TSHZ3: variants seen among roughly 807,000 people sequenced by gnomAD.
The protein encoded by TSHZ3 is teashirt zinc finger homeobox 3.
In TSHZ3, 10 loss-of-function variants were observed where a neutral mutation model predicts 64.5. The ratio of observed to expected loss-of-function variants is 0.16; its 90% CI spans 0.10 to 0.26. The LOEUF is 0.26. Among genes scored for constraint, TSHZ3 ranks in the 10% least tolerant of loss-of-function variants. The pLI, the probability that TSHZ3 is intolerant of heterozygous loss-of-function variation, is 1.00. For missense variants in TSHZ3, 1,242 were observed against 1,421.7 expected, an observed-to-expected ratio of 0.87 and a Z score of 2.03; for synonymous variants, 608 against 593.1, an observed-to-expected ratio of 1.03 and a Z score of -0.36.
intron 4 of TSHZ3, among the ~76,000 whole-genome samples, chr19:31,213,403 CA>C (rs1018533697): frequency 8.2e-6 from 1 of 122,580 alleles, no homozygotes; most frequent in African/African-American, 3.2e-5. Flanking sequence ...CAGTGGTGTC[CA>C]GGGGTAAGGA....
chr19:31,183,567 G>A (rs1349094817), intron 5 of TSHZ3, among the ~76,000 whole-genome samples: 3 of 152,134 alleles, frequency 2.0e-5, no homozygotes, highest in East Asian at 1.9e-4. Flanking sequence ...AAAATTGGAA[G>A]GCCACAGAAA....
intron 5 of TSHZ3, among the ~76,000 whole-genome samples, chr19:31,163,970 G>A (rs1974406456): frequency 6.6e-6 from 1 of 152,194 alleles, no homozygotes; most frequent in South Asian, 2.1e-4. Flanking sequence ...TCATCCCCAT[G>A]TTACACTGAG....
chr19:31,265,998 G>A (rs1381385279), intron 1 of TSHZ3, among the ~76,000 whole-genome samples: 3 of 152,192 alleles, frequency 2.0e-5, no homozygotes, highest in Non-Finnish European at 4.4e-5. Context: ...CCTGCTGACA[G>A]CATCTTGACA....
At chr19:31,285,468 AT>A (rs1450145884) in intron 1 of TSHZ3, among the ~76,000 whole-genome samples, 1 of 122,430 alleles carries the variant, frequency 8.2e-6, no homozygotes, top group African/African-American at 3.7e-5. Flanking sequence ...TGACAGAGTG[AT>A]TCTGTCTCAA....
chr19:31,264,087 T>C (rs533797790), intron 1 of TSHZ3, among the ~76,000 whole-genome samples: 2 of 152,278 alleles, frequency 1.3e-5, no homozygotes, highest in East Asian at 3.9e-4. Flanking sequence ...GGAGCATGAA[T>C]GGTTTAAATG....
At chr19:31,239,266 A>G (rs1411119178) in intron 3 of TSHZ3, among the ~76,000 whole-genome samples, 1 of 152,086 alleles carries the variant, frequency 6.6e-6, no homozygotes, top group Non-Finnish European at 1.5e-5. Context: ...CAGTGTTATT[A>G]TTTATGTGAT....
At chr19:31,199,751 G>A (rs753052236) in intron 5 of TSHZ3, among the ~76,000 whole-genome samples, 2 of 33,414 alleles carry the variant, frequency 6.0e-5, no homozygotes, top group Admixed American at 3.2e-4. Flanking sequence ...TCTGTTTTGC[G>A]AAAGACAGTG....
intron 1 of TSHZ3, among the ~76,000 whole-genome samples, chr19:31,265,173 G>T (rs1193438518): frequency 6.6e-6 from 1 of 151,956 alleles, no homozygotes; most frequent in East Asian, 1.9e-4. Context: ...GAGGGAGGTG[G>T]ATTACCTGAG....
chr19:31,217,200 G>A (rs1265573494), intron 4 of TSHZ3, among the ~76,000 whole-genome samples: 2 of 152,172 alleles, frequency 1.3e-5, no homozygotes, highest in African/African-American at 4.8e-5. Context: ...GACAGCTAGT[G>A]GCAGAATGTT....
chr19:31,266,182 G>A (rs1274557561), intron 1 of TSHZ3, among the ~76,000 whole-genome samples: 1 of 152,114 alleles, frequency 6.6e-6, no homozygotes, highest in African/African-American at 2.4e-5. Context: ...CTTAAGTGGT[G>A]CTTGCATCCA....
At chr19:31,306,949 A>C (rs546951410) in intron 1 of TSHZ3, among the ~76,000 whole-genome samples, 64 of 152,254 alleles carry the variant, frequency 4.2e-4, no homozygotes, top group South Asian at 1.5e-3. Context: ...GAAGATTTAG[A>C]GTTCTCTCCT....
chr19:31,306,236 C>T (rs530356466), intron 1 of TSHZ3, among the ~76,000 whole-genome samples: 7 of 152,246 alleles, frequency 4.6e-5, no homozygotes, highest in African/African-American at 1.4e-4. Context: ...ACAGGTGACG[C>T]GGCGGGCTGG....
intron 5 of TSHZ3, among the ~76,000 whole-genome samples, chr19:31,178,076 G>A (rs1011563528): frequency 6.6e-6 from 1 of 152,142 alleles, no homozygotes; most frequent in African/African-American, 2.4e-5. Flanking sequence ...CTCACAGCAG[G>A]GACAGCCTGA....
chr19:31,257,970 G>A (rs1231240261), intron 1 of TSHZ3, among the ~76,000 whole-genome samples: 2 of 152,194 alleles, frequency 1.3e-5, no homozygotes, highest in Non-Finnish European at 2.9e-5. Flanking sequence ...ACTGATTTGG[G>A]AAGTGCAAGG....
At chr19:31,336,191 G>C (rs766315542) in intron 1 of TSHZ3, among the ~76,000 whole-genome samples, 1 of 152,192 alleles carries the variant, frequency 6.6e-6, no homozygotes, top group African/African-American at 2.4e-5. Flanking sequence ...CTCCAGATAT[G>C]CCACTTTCTA....
chr19:31,279,068 T>C lies in TSHZ3; in HGVS notation c.725A>G (p.Asp242Gly). ...HMNETGHYRDDNHETDNNNPK... is the reference protein window; with the variant it reads ...HMNETGHYRDGNHETDNNNPK... ...GTTGTTGTTATCGGTCTCATGGTTG[T>C]CGTCGCGGTAATGCCCCGTCTCGTT... The change falls in exon 2 of 2, where the codon GAC (aspartate) becomes GGC (glycine). Residue 242 changes from aspartate (D) to glycine (G), a missense_variant. Asp to Gly is a moderately conservative substitution (Grantham distance 94). This residue lies in a region of TSHZ3 where 555 missense variants were observed against 704.0 expected (regional missense o/e 0.79). Coordinates refer to ENST00000240587, the MANE Select transcript of TSHZ3 (RefSeq NM_020856.4). This position sits in a 1 kb window ranked among gnomAD's most constrained non-coding sequence, Gnocchi z 6.4. 1.2e-6 allele frequency: 2 copies of C among 1,614,084 alleles called. No individual in the cohort carries two copies.
intron 1 of TSHZ3, among the ~76,000 whole-genome samples, chr19:31,282,249 G>A (rs1005236994): frequency 6.7e-6 from 1 of 148,494 alleles, no homozygotes; most frequent in African/African-American, 2.5e-5. Flanking sequence ...CTGTGTAGAT[G>A]GGTGAAGATA....
chr19:31,201,190 C>A (rs1428967232), intron 5 of TSHZ3, among the ~76,000 whole-genome samples: 1 of 152,120 alleles, frequency 6.6e-6, no homozygotes. Flanking sequence ...AGGTCTGGGG[C>A]AAATTGTAAT....
In TSHZ3 at chr19:31,349,426, G is replaced by T; in HGVS notation, c.-207C>A. 1 of 411,844 alleles carries T rather than the reference G, an allele frequency of 2.4e-6. No individual in the cohort carries two copies. Among genetic ancestry groups the T allele is most frequent in the Admixed American group, 4.6e-5 (1 of 21,706 alleles). The allele number at this position is 411,844 out of a possible 1,614,324, so 25.5% of individuals were successfully genotyped here. A position where few individuals can be genotyped will look rare whatever the true frequency, so the allele number is the denominator to read the frequency against. On this transcript the variant is annotated 5_prime_UTR_variant, in exon 1 of 2. Transcript: ENST00000240587. ...CTCCGCCGCGAACCCCGAACGTGCG[G>T]AGGGAAGAAGGAGGGCGGGCGAGGG...
Sources: allele counts gnomAD v4.1 joint callset (sites outside exome capture counted in the v4.1 genomes callset), GRCh38; gene constraint gnomAD v4.1.1; regional missense constraint gnomAD v4.1.1; non-coding constraint Gnocchi (gnomAD v3.1); transcripts MANE v1.5; gene names NCBI Gene and HGNC (gene_info 2026-07-23, HGNC 2026-07-21).